Variants in GPC5 observed in about 807,000 individuals in gnomAD.
The protein encoded by GPC5 is glypican-5.
A neutral mutation model predicts 53.9 loss-of-function variants in GPC5; 47 were observed. That is an observed-to-expected ratio of 0.87 (90% CI 0.69 to 1.11). The LOEUF (loss-of-function observed/expected upper bound fraction) is 1.11. GPC5 is among the 50% of genes most tolerant of loss of function. The probability of loss-of-function intolerance (pLI) is 0.00; values close to 1 mark genes in which losing one functional copy is unlikely to be tolerated. For missense variants in GPC5, 748 were observed against 713.1 expected, an observed-to-expected ratio of 1.05 and a Z score of -0.56; for synonymous variants, 286 against 263.3, an observed-to-expected ratio of 1.09 and a Z score of -0.84.
At chr13:92,643,453 A>G (rs1285391658) in intron 7 of GPC5, among the ~76,000 whole-genome samples, 1 of 147,320 alleles carries the variant, frequency 6.8e-6, no homozygotes. Context: ...CATTATTCAC[A>G]ATAGCAAAGA....
chr13:92,717,957 G>A (rs1324512162), intron 7 of GPC5, among the ~76,000 whole-genome samples: 2 of 151,990 alleles, frequency 1.3e-5, no homozygotes, highest in African/African-American at 4.8e-5. Context: ...GTCTAAGAAA[G>A]ACATACCAAT....
chr13:92,788,453 G>A (rs887549525), intron 7 of GPC5, among the ~76,000 whole-genome samples: 2 of 152,060 alleles, frequency 1.3e-5, no homozygotes, highest in South Asian at 2.1e-4. Flanking sequence ...CACATCTTTT[G>A]ACAGTGGCAA....
Position 91,719,124 on chromosome 13 carries a change from A to C in GPC5, c.1021-9408A>C, listed in dbSNP as rs541456259. The stretch of plus-strand genomic sequence containing the variant: ...TCACATCACAGCTGCATGTGAATCA[A>C]GTATGTCTATTTTGCAAATGTCAAA... On this transcript the variant is annotated intron_variant, in intron 3 of 7. Transcript: ENST00000377067. Among the ~76,000 whole-genome samples, 102 of 152,362 alleles carry C rather than the reference A, an allele frequency of 6.7e-4. 1 individual carries two copies. The highest frequency in any genetic ancestry group is 3.4e-3 in the Middle Eastern group (1 of 294).
chr13:91,782,144 G>A (rs1594558400), intron 5 of GPC5, among the ~76,000 whole-genome samples: 11 of 152,122 alleles, frequency 7.2e-5, no homozygotes, highest in Middle Eastern at 3.4e-3. Context: ...AAGCTCTTTC[G>A]GCTGTTTCTC....
At chr13:92,415,339 T>C (rs966358080) in intron 7 of GPC5, among the ~76,000 whole-genome samples, 10 of 152,118 alleles carry the variant, frequency 6.6e-5, no homozygotes, top group Non-Finnish European at 1.5e-4. Context: ...ATTAATGTGG[T>C]CCAATGGAGG....
At chr13:92,656,917 G>A (rs1886156264) in intron 7 of GPC5, among the ~76,000 whole-genome samples, 1 of 152,230 alleles carries the variant, frequency 6.6e-6, no homozygotes, top group Admixed American at 6.5e-5. Flanking sequence ...GCTGCGATGA[G>A]CTATGCTCTC....
intron 5 of GPC5, among the ~76,000 whole-genome samples, chr13:91,776,914 C>A (rs937522338): frequency 5.9e-5 from 9 of 152,220 alleles, no homozygotes; most frequent in African/African-American, 2.2e-4. Context: ...AATTAAATCT[C>A]TCTCCATAAT....
intron 5 of GPC5, among the ~76,000 whole-genome samples, chr13:91,862,045 A>G (rs1393366184): frequency 6.6e-6 from 1 of 152,006 alleles, no homozygotes; most frequent in Non-Finnish European, 1.5e-5. Flanking sequence ...ATCTTTTTAA[A>G]TTTTAATAGT....
intron 6 of GPC5, among the ~76,000 whole-genome samples, chr13:92,016,976 C>T (rs1457049755): frequency 6.6e-6 from 1 of 152,102 alleles, no homozygotes; most frequent in East Asian, 1.9e-4. Context: ...AAAGTACTGT[C>T]TCCACTACAT....
chr13:92,253,540 G>A (rs1482399501), intron 7 of GPC5, among the ~76,000 whole-genome samples: 1 of 152,078 alleles, frequency 6.6e-6, no homozygotes, highest in African/African-American at 2.4e-5. Flanking sequence ...GAGATCAAAT[G>A]CACCAGTAGT....
chr13:92,860,149 TA>T (rs1172841882), intron 7 of GPC5, among the ~76,000 whole-genome samples: 1 of 152,196 alleles, frequency 6.6e-6, no homozygotes, highest in Non-Finnish European at 1.5e-5. Context: ...TTTCACTTAT[TA>T]ACAATTTGGA....
At chr13:91,522,188 G>T (rs1319216937) in intron 2 of GPC5, among the ~76,000 whole-genome samples, 10 of 152,136 alleles carry the variant, frequency 6.6e-5, no homozygotes, top group African/African-American at 2.4e-4. Context: ...GGCCATTCAT[G>T]ATCAACTTAA....
intron 7 of GPC5, among the ~76,000 whole-genome samples, chr13:92,280,466 C>G (rs967256045): frequency 3.3e-5 from 5 of 152,084 alleles, no homozygotes; most frequent in African/African-American, 1.2e-4. Context: ...CGGATCCTGT[C>G]TTTTTAAATG....
chr13:92,456,330 A>G (rs2139404159), intron 7 of GPC5, among the ~76,000 whole-genome samples: 1 of 152,316 alleles, frequency 6.6e-6, no homozygotes, highest in Middle Eastern at 3.4e-3. Context: ...AATATACAAC[A>G]GGTGGCTCTA....
chr13:91,967,474 T>A (rs2040192032), intron 6 of GPC5, among the ~76,000 whole-genome samples: 1 of 152,122 alleles, frequency 6.6e-6, no homozygotes, highest in African/African-American at 2.4e-5. Flanking sequence ...AAATGACCTA[T>A]AATTTTAAAA....
chr13:92,053,345 T>G (rs1009924015), intron 6 of GPC5, among the ~76,000 whole-genome samples: 3 of 152,180 alleles, frequency 2.0e-5, no homozygotes, highest in African/African-American at 7.2e-5. Flanking sequence ...GTGACCAGTG[T>G]CTGTGCTCTT....
In GPC5 at chr13:92,013,644, G is replaced by T. The variant is rs2040681269; in HGVS notation, c.1401+105587G>T. 4.6e-5 allele frequency among the ~76,000 whole-genome samples: 7 copies of T among 152,182 alleles called. No individual in the cohort carries two copies. The South Asian group carries it at 1.2e-3, about 27-fold the overall frequency. On this transcript the variant is annotated intron_variant, in intron 6 of 7. Transcript: ENST00000377067. ...TTGGCTTAAAGGTGGGTTTCACCAG[G>T]GACCTGCCCCTGTCTGCCTTAAATT...
Position 91,712,843 on chromosome 13 carries a change from GA to G in GPC5, c.1021-15679del, listed in dbSNP as rs200192104. Among the ~76,000 whole-genome samples the G allele has an allele frequency of 4.1e-5, 6 of 144,610 alleles. No homozygotes were observed. The East Asian group carries it at 6.3e-4, about 15-fold the overall frequency. 94.9% of individuals were successfully genotyped at this position (144,610 alleles called of 152,430 possible). A position where few individuals can be genotyped will look rare whatever the true frequency, so the allele number is the denominator to read the frequency against. The stretch of plus-strand genomic sequence containing the variant: ...CCATCTTAGAATTATTAAGCCTGTT[GA>G]AAAAAAAAAGAGATCATGTTAAATG... On this transcript the variant is annotated intron_variant, in intron 3 of 7. Coordinates refer to ENST00000377067, the MANE Select transcript of GPC5 (RefSeq NM_004466.6).
chr13:91,657,664 G>C (rs2034880535), intron 2 of GPC5, among the ~76,000 whole-genome samples: 1 of 152,020 alleles, frequency 6.6e-6, no homozygotes, highest in Non-Finnish European at 1.5e-5. Flanking sequence ...ACTCAAGTTT[G>C]GACATTTTCA....
Sources: gnomAD v4.1 joint callset for allele counts (sites outside exome capture counted in the v4.1 genomes callset) on GRCh38, gnomAD v4.1.1 for gene constraint, MANE v1.5 for transcripts, NCBI Gene and HGNC (gene_info 2026-07-23, HGNC 2026-07-21) for gene names.